WDR90: variants seen among roughly 807,000 people sequenced by gnomAD.
The protein encoded by WDR90 is WD repeat-containing protein 90.
WDR90 carries 238 observed loss-of-function variants against 195.2 expected under a neutral mutation model. That is an observed-to-expected ratio of 1.22 (90% confidence interval 1.10 to 1.36). The LOEUF is 1.36. Among genes scored for constraint, WDR90 ranks in the 40% most tolerant of loss-of-function variants. The probability of loss-of-function intolerance (pLI) is 0.00; values close to 1 mark genes in which losing one functional copy is unlikely to be tolerated. For synonymous variants in WDR90, 1,265 were observed against 1,052.4 expected, an observed-to-expected ratio of 1.20 and a Z score of -3.91; for missense variants, 2,734 against 2,439.5, an observed-to-expected ratio of 1.12 and a Z score of -2.54.
chr16:661,376 C>A lies in WDR90; in HGVS notation c.3548C>A (p.Thr1183Asn), dbSNP rs373415923. The A allele has an allele frequency of 1.9e-6, 3 of 1,609,920 alleles. No individual in the cohort carries two copies. The African/African-American group carries it at 4.0e-5, about 22-fold the overall frequency. Residue 1183 changes from threonine (T) to asparagine (N), a missense_variant, in exon 30 of 41, where the codon ACC becomes AAC. Physicochemically the swap from Thr to Asn is moderately conservative, Grantham distance 65. Coordinates refer to ENST00000293879, the MANE Select transcript of WDR90 (RefSeq NM_145294.5). ...LASASGRSST[T>N]AHCQIRVWDV... ...TCTGCCTCGGGCCGAAGCAGCACGA[C>A]CGCCCATTGTCAGATCCGCGTCTGG...
Position 666,741 on chromosome 16 carries a change from G to A in WDR90, c.4953G>A (p.Val1651=). The change falls in exon 39 of 41, where the codon GTG becomes GTA. Residue 1651 remains valine, a synonymous_variant. Coordinates refer to ENST00000293879, the MANE Select transcript of WDR90 (RefSeq NM_145294.5). The stretch of plus-strand genomic sequence containing the variant: ...GGGATGGGGCGCTCCTGATGTACGT[G>A]GGCCCCGGTGTTTACAAGGAGGTGA... ...CPWDGALLMY[V]GPGVYKEVII... is the part of the protein sequence containing the mutation. The A allele has an allele frequency of 2.5e-6, 4 of 1,612,822 alleles. No homozygotes were observed. Among genetic ancestry groups the A allele is most frequent in the Non-Finnish European group, 3.4e-6 (4 of 1,179,960 alleles).
rs1209396703 is a variant in WDR90 at position 660,133 on chromosome 16, G to A, written c.3260G>A (p.Arg1087Lys). Residue 1087 changes from arginine (R) to lysine (K), a missense_variant, in exon 27 of 41, where the codon AGG (arginine) becomes AAG (lysine). Arg to Lys is a conservative substitution (Grantham distance 26, BLOSUM62 2). Transcript: ENST00000293879. ...LASCKAFTPA[R>K]VSCSPHSAKG... ...TCCTGCAAGGCCTTCACGCCTGCCA[G>A]GGTCAGCTGCAGCCCCCACTCTGCC... 2.6e-6 allele frequency: 4 copies of A among 1,539,132 alleles called. No individual in the cohort carries two copies. The highest frequency in any genetic ancestry group is 3.5e-6 in the Non-Finnish European group (4 of 1,139,490).
At position 666,566 on chromosome 16, in the gene WDR90, T is replaced by C. The variant is rs1477158687; in HGVS notation, c.4852T>C (p.Trp1618Arg). Residue 1618 changes from tryptophan to arginine, a missense_variant, in exon 38 of 41, where the codon TGG (tryptophan) becomes CGG (arginine). Physicochemically the swap from Trp to Arg is moderately radical, Grantham distance 101. Transcript: ENST00000293879. ...WLRNHCELVD[W>R]LSFPMPATTE... ...GCGGAACCACTGTGAGCTTGTGGAC[T>C]GGTTGAGTTTCCCAATGCCTGCCAC... 6.2e-7 allele frequency: 1 copy of C among 1,612,580 alleles called. No individual in the cohort carries two copies. Among genetic ancestry groups the C allele is most frequent in the African/African-American group, 1.3e-5 (1 of 74,920 alleles).
In WDR90 at chr16:651,209, G is replaced by A. The variant is rs1351945727; in HGVS notation, c.679G>A (p.Glu227Lys). The A allele has an allele frequency of 2.5e-6, 4 of 1,613,228 alleles. No homozygotes were observed. Among genetic ancestry groups the A allele is most frequent in the Non-Finnish European group, 3.4e-6 (4 of 1,180,004 alleles). Residue 227 changes from glutamate (E) to lysine (K), a missense_variant, in exon 7 of 41, where the codon GAG becomes AAG. Coordinates refer to ENST00000293879, the MANE Select transcript of WDR90 (RefSeq NM_145294.5). ...DRYIHVRFPS[E>K]SLKVPSKPIE... ...CCTCTGCCTGCCAAGGTTTCCAAGT[G>A]AGAGCTTGAAAGTGCCTTCCAAGCC...
chr16:656,092 T>C, intron 17 of WDR90: 1 of 761,898 alleles, frequency 1.3e-6, no homozygotes, highest in South Asian at 1.8e-5. Context: ...AAGGGCCCGG[T>C]GGGACGTGGG....
At position 651,058 on chromosome 16, in the gene WDR90, C is replaced by T. The variant is rs1596458431; in HGVS notation, c.623C>T (p.Pro208Leu). 1.2e-6 allele frequency: 2 copies of T among 1,613,262 alleles called. No homozygotes were observed. Among genetic ancestry groups the T allele is most frequent in the Admixed American group, 1.7e-5 (1 of 60,012 alleles). The change falls in exon 6 of 41, where the codon CCT becomes CTT. Residue 208 changes from proline to leucine, a missense_variant. Physicochemically the swap from Pro to Leu is moderately conservative, Grantham distance 98. Transcript: ENST00000293879. ...VTPMPREMAF[P>L]VPKGESWHDR... is the part of the protein sequence containing the mutation. ...CCTATGCCTCGGGAAATGGCATTCC[C>T]TGTGCCCAAGGGAGAGAGCTGGCAT... is the stretch of plus-strand genomic sequence containing the variant.
rs1408358150 is a variant in WDR90 at position 666,995 on chromosome 16, T to C, written c.5089+6T>C. On this transcript the variant is annotated splice_donor_region_variant and intron_variant, in intron 40 of 40. Transcript: ENST00000293879. ...CCTGGCTGTTGGCTTTGCTGGTGAGTGCTGGTGGATGCAGTTTGGGCCTGT... is the reference window on the plus strand; with the variant it reads ...CCTGGCTGTTGGCTTTGCTGGTGAGCGCTGGTGGATGCAGTTTGGGCCTGT... 1 of 1,587,384 alleles carries C rather than the reference T, an allele frequency of 6.3e-7. No homozygotes were observed. Among genetic ancestry groups the C allele is most frequent in the East Asian group, 2.3e-5 (1 of 43,086 alleles).
At chr16:657,697 C>T (rs1306260489) in intron 20 of WDR90, 65 bp from the exon 21 acceptor site, 10 of 1,462,638 alleles carry the variant, frequency 6.8e-6, no homozygotes, top group African/African-American at 1.4e-5. Context: ...GCGGCCTCCT[C>T]GGGCCCTGGC....
Position 649,420 on chromosome 16 carries a change from G to T in WDR90, c.4G>T (p.Ala2Ser), listed in dbSNP as rs758226655. The T allele has an allele frequency of 9.9e-6, 13 of 1,306,892 alleles. No individual in the cohort carries two copies. In the South Asian group the frequency reaches 2.7e-4, roughly 27 times the overall value. The allele number at this position is 1,306,892 out of a possible 1,614,324, so 81.0% of individuals were successfully genotyped here. M[A>S]RAWQHPFLNV... ...GGGAAGCTCGAGCGGCGGCGCCATGGCCCGAGGTAGCGCGCGGCTGGCGGG... is the reference window on the plus strand; with the variant it reads ...GGGAAGCTCGAGCGGCGGCGCCATGTCCCGAGGTAGCGCGCGGCTGGCGGG... Residue 2 changes from alanine (A) to serine (S), a missense_variant, in exon 1 of 41, where the codon GCC becomes TCC. Ala to Ser is a moderately conservative substitution (Grantham distance 99, BLOSUM62 1). Transcript: ENST00000293879.
chr16:651,165 C>T, intron 6 of WDR90, 34 bp from the exon 7 acceptor site: 3 of 1,613,024 alleles, frequency 1.9e-6, no homozygotes, highest in Non-Finnish European at 1.7e-6. Flanking sequence ...GGCCCTTGGG[C>T]CCCCAGACAC....
upstream of WDR90, chr16:649,255 G>A (rs1596456703): frequency 1.6e-5 from 12 of 773,722 alleles, no homozygotes; most frequent in Middle Eastern, 3.1e-4. Flanking sequence ...TGACGTGAGC[G>A]GGGTACTCCC....
At chr16:658,469 C>T (rs1018662676) in intron 22 of WDR90, 56 bp from the exon 23 acceptor site, 115 of 1,584,578 alleles carry the variant, frequency 7.3e-5, no homozygotes, top group Non-Finnish European at 9.7e-5. Context: ...AGGGAGGCCC[C>T]AGGCTGCTGG....
rs764543863 is a variant in WDR90 at position 655,766 on chromosome 16, C to T, written c.1850-7C>T. On this transcript the variant is annotated splice_polypyrimidine_tract_variant and splice_region_variant and intron_variant, in intron 16 of 40. Coordinates refer to ENST00000293879, the MANE Select transcript of WDR90 (RefSeq NM_145294.5). The stretch of plus-strand genomic sequence containing the variant: ...ACACCGAGGCACTGACGCCTCCCTG[C>T]CCCCAGGCCCCGGCATTGCCATCAG... The T allele has an allele frequency of 3.8e-6, 6 of 1,582,292 alleles. No individual in the cohort carries two copies. The highest frequency in any genetic ancestry group is 1.3e-5 in the African/African-American group (1 of 74,422).
At chr16:654,063 C>T (rs1250188434) in intron 13 of WDR90, 1 of 520,194 alleles carries the variant, frequency 1.9e-6, no homozygotes, top group African/African-American at 1.9e-5. Context: ...CACACCTCGC[C>T]TCGTTCTCTC....
chr16:657,591 C>T (rs1028651441), intron 20 of WDR90, among the ~76,000 whole-genome samples, 171 bp from the exon 21 acceptor site: 2 of 152,232 alleles, frequency 1.3e-5, no homozygotes, highest in African/African-American at 4.8e-5. Flanking sequence ...GCTCCCCTGG[C>T]AGCGCCTGGC....
rs1412458074 is a variant in WDR90, at chr16:653,729, C to G, written c.1380-17C>G. ...GGTCAGCCCAGGCGACAATGACCAC[C>G]TCCTCCCTGTTCACAGCTTCTCTGA... On this transcript the variant is annotated splice_polypyrimidine_tract_variant and intron_variant, in intron 12 of 40. Transcript: ENST00000293879. The G allele has an allele frequency of 8.7e-6, 14 of 1,613,202 alleles. No individual in the cohort carries two copies. Among genetic ancestry groups the G allele is most frequent in the Non-Finnish European group, 1.2e-5 (14 of 1,179,982 alleles).
chr16:661,001 C>CT, intron 28 of WDR90, 50 bp from the exon 29 acceptor site: 1 of 41,742 alleles, frequency 2.4e-5, no homozygotes, highest in Non-Finnish European at 3.5e-5. Context: ...CCCCTCCCCG[C>CT]CCCCCCCCCC....
intron 40 of WDR90, 40 bp from the exon 41 acceptor site, chr16:667,392 C>G (rs2038122093): frequency 6.4e-7 from 1 of 1,563,792 alleles, no homozygotes; most frequent in Middle Eastern, 2.0e-4. Flanking sequence ...TGAGTGCTGC[C>G]TGGTCCTGGC....
Position 662,746 on chromosome 16 carries a change from G to T in WDR90, c.4213G>T (p.Val1405Leu). Reference protein sequence around the residue: ...AVVSASFDDSVDMGVVGTTAG... With the variant: ...AVVSASFDDSLDMGVVGTTAG... ...GGTGAGTGCCAGCTTCGATGACAGCGTGGACATGGGCGTCGTGGGCACCAC... is the reference window on the plus strand; with the variant it reads ...GGTGAGTGCCAGCTTCGATGACAGCTTGGACATGGGCGTCGTGGGCACCAC... The change falls in exon 34 of 41, where the codon GTG becomes TTG. Residue 1405 changes from valine to leucine, a missense_variant. Physicochemically the swap from Val to Leu is conservative, Grantham distance 32. Coordinates refer to ENST00000293879, the MANE Select transcript of WDR90 (RefSeq NM_145294.5). 6.2e-7 allele frequency: 1 copy of T among 1,603,692 alleles called. No individual in the cohort carries two copies. Among genetic ancestry groups the T allele is most frequent in the Non-Finnish European group, 8.5e-7 (1 of 1,173,676 alleles).
Sources: allele counts gnomAD v4.1 joint callset (sites outside exome capture counted in the v4.1 genomes callset), GRCh38; gene constraint gnomAD v4.1.1; transcripts MANE v1.5; gene names NCBI Gene and HGNC (gene_info 2026-07-23, HGNC 2026-07-21).